Variants in GRID2 observed in about 807,000 individuals in gnomAD.
The protein encoded by GRID2 is glutamate receptor ionotropic, delta-2.
GRID2 carries 33 observed loss-of-function variants against 114.8 expected under a neutral mutation model. That is an observed-to-expected ratio of 0.29 (90% CI 0.22 to 0.38). GRID2 has a LOEUF of 0.38. GRID2 is among the 10% of genes least tolerant of loss of function. The pLI is 1.00. For synonymous variants in GRID2, 505 were observed against 449.9 expected, an observed-to-expected ratio of 1.12 and a Z score of -1.55; for missense variants, 1,184 against 1,257.7, an observed-to-expected ratio of 0.94 and a Z score of 0.89.
At chr4:92,677,793 T>A (rs1384525856) in intron 2 of GRID2, among the ~76,000 whole-genome samples, 3 of 152,116 alleles carry the variant, frequency 2.0e-5, no homozygotes, top group African/African-American at 7.2e-5. Flanking sequence ...GGTGGCAAGC[T>A]TTTGTTTGTT....
chr4:92,566,499 G>A (rs568679516), intron 1 of GRID2, among the ~76,000 whole-genome samples: 19 of 152,028 alleles, frequency 1.2e-4, no homozygotes, highest in African/African-American at 4.1e-4. Flanking sequence ...TCAACAGCTG[G>A]CATGCCTCCT....
chr4:92,761,215 C>CT (rs1454155954), intron 2 of GRID2, among the ~76,000 whole-genome samples: 2 of 151,704 alleles, frequency 1.3e-5, no homozygotes, highest in Non-Finnish European at 2.9e-5. Context: ...CAAATTCCTG[C>CT]TTTTTTCTAG....
At chr4:92,965,725 G>A (rs926670581) in intron 2 of GRID2, among the ~76,000 whole-genome samples, 1 of 151,718 alleles carries the variant, frequency 6.6e-6, no homozygotes, top group Non-Finnish European at 1.5e-5. Flanking sequence ...TCCAAATATA[G>A]TATTTTCAAA....
At chr4:93,687,732 T>A (rs191401307) in intron 14 of GRID2, among the ~76,000 whole-genome samples, 4 of 152,038 alleles carry the variant, frequency 2.6e-5, no homozygotes, top group Non-Finnish European at 5.9e-5. Flanking sequence ...TTAGGAGAAT[T>A]GTAGAAGAGA....
At chr4:92,847,918 C>G (rs552042033) in intron 2 of GRID2, among the ~76,000 whole-genome samples, 2 of 151,976 alleles carry the variant, frequency 1.3e-5, no homozygotes, top group South Asian at 4.1e-4. Context: ...TGCATTTGTG[C>G]ATTCAGTGTA....
chr4:92,759,461 C>A (rs923415322), intron 2 of GRID2, among the ~76,000 whole-genome samples: 2 of 152,088 alleles, frequency 1.3e-5, no homozygotes, highest in East Asian at 3.9e-4. Flanking sequence ...CCCCCCAATA[C>A]TTTTCATTCA....
intron 9 of GRID2, among the ~76,000 whole-genome samples, chr4:93,406,177 A>G (rs938966992): frequency 3.3e-4 from 50 of 152,140 alleles, no homozygotes; most frequent in African/African-American, 1.2e-3. Flanking sequence ...ATTTCCTGCC[A>G]CAAAAGGCTA....
chr4:92,437,608 T>C (rs1418883710), intron 1 of GRID2, among the ~76,000 whole-genome samples: 1 of 152,234 alleles, frequency 6.6e-6, no homozygotes, highest in Non-Finnish European at 1.5e-5. Flanking sequence ...TGAGTGGTTC[T>C]GGAATCAACG....
chr4:92,471,313 A>G (rs537266279), intron 1 of GRID2, among the ~76,000 whole-genome samples: 1 of 152,204 alleles, frequency 6.6e-6, no homozygotes, highest in South Asian at 2.1e-4. Context: ...AATACTATAT[A>G]ATGTTACATG....
In GRID2 at chr4:93,011,706, C is replaced by T. The variant is rs187586619; in HGVS notation, c.245-73289C>T. On this transcript the variant is annotated intron_variant, in intron 2 of 15. Transcript: ENST00000282020. The stretch of plus-strand genomic sequence containing the variant: ...GCATCACATCGAGATGTATCATGTT[C>T]CAAACAAGAAAACGGAACACAATAG... 8.2e-4 allele frequency among the ~76,000 whole-genome samples: 124 copies of T among 152,104 alleles called. 1 individual carries two copies. The highest frequency in any genetic ancestry group is 2.8e-3 in the African/African-American group (116 of 41,504).
chr4:92,723,376 C>T (rs1735904588), intron 2 of GRID2, among the ~76,000 whole-genome samples: 1 of 152,104 alleles, frequency 6.6e-6, no homozygotes, highest in Non-Finnish European at 1.5e-5. Flanking sequence ...ATTTGTCCAT[C>T]TGTCAAACTG....
At chr4:93,496,195 A>C (rs1391164153) in intron 12 of GRID2, among the ~76,000 whole-genome samples, 2 of 151,490 alleles carry the variant, frequency 1.3e-5, no homozygotes, top group African/African-American at 4.8e-5. Context: ...AGCATTAATA[A>C]TCCATAAACT....
At chr4:93,433,941 T>C (rs531468428) in intron 10 of GRID2, among the ~76,000 whole-genome samples, 21 of 152,286 alleles carry the variant, frequency 1.4e-4, no homozygotes, top group African/African-American at 4.3e-4. Flanking sequence ...CTTGTGTTCT[T>C]GATATTCAAC....
chr4:92,920,834 G>A (rs1407352567), intron 2 of GRID2, among the ~76,000 whole-genome samples: 3 of 151,868 alleles, frequency 2.0e-5, no homozygotes, highest in Admixed American at 6.6e-5. Flanking sequence ...TCTTGGAGTT[G>A]CTCTTCTCAA....
At chr4:92,677,624 G>A (rs1733439573) in intron 2 of GRID2, among the ~76,000 whole-genome samples, 1 of 152,082 alleles carries the variant, frequency 6.6e-6, no homozygotes, top group African/African-American at 2.4e-5. Context: ...CTCAGTGGGT[G>A]ACAACTCCAT....
chr4:92,556,101 C>A, intron 1 of GRID2, among the ~76,000 whole-genome samples: 1 of 152,152 alleles, frequency 6.6e-6, no homozygotes, highest in Non-Finnish European at 1.5e-5. Context: ...CAGTTGTGGA[C>A]AACCTGTGTC....
intron 4 of GRID2, among the ~76,000 whole-genome samples, chr4:93,115,537 A>G (rs1343114195): frequency 6.6e-6 from 1 of 152,106 alleles, no homozygotes. Flanking sequence ...TGTGTTCCTA[A>G]TAATATCTAA....
intron 7 of GRID2, among the ~76,000 whole-genome samples, chr4:93,228,188 G>A (rs931426609): frequency 3.3e-5 from 5 of 152,186 alleles, no homozygotes; most frequent in South Asian, 2.1e-4. Context: ...AGTTTATTAA[G>A]AACAGAAATT....
intron 2 of GRID2, among the ~76,000 whole-genome samples, chr4:92,932,196 A>C (rs1750291090): frequency 6.6e-6 from 1 of 151,456 alleles, no homozygotes; most frequent in Admixed American, 6.6e-5. Context: ...AAAATATTTA[A>C]ACAACTTTTA....
Sources: gnomAD v4.1 joint callset for allele counts (sites outside exome capture counted in the v4.1 genomes callset) on GRCh38, gnomAD v4.1.1 for gene constraint, MANE v1.5 for transcripts, NCBI Gene and HGNC (gene_info 2026-07-23, HGNC 2026-07-21) for gene names.